NFATC2: variants seen among roughly 807,000 people sequenced by gnomAD.
The protein encoded by NFATC2 is nuclear factor of activated T-cells, cytoplasmic 2.
NFATC2 carries 22 observed loss-of-function variants against 87.3 expected under a neutral mutation model. The observed-to-expected ratio is 0.25, with a 90% CI of 0.18 to 0.36. The LOEUF is 0.36. Among genes scored for constraint, NFATC2 ranks in the 10% least tolerant of loss-of-function variants. The pLI, the probability that NFATC2 is intolerant of heterozygous loss-of-function variation, is 1.00. For synonymous variants in NFATC2, 565 were observed against 542.2 expected (o/e 1.04, Z -0.58); for missense variants, 1,149 against 1,259.1 (o/e 0.91, Z 1.32).
At chr20:51,429,539 G>A (rs1167758111) in intron 9 of NFATC2, among the ~76,000 whole-genome samples, 1 of 152,182 alleles carries the variant, frequency 6.6e-6, no homozygotes, top group Non-Finnish European at 1.5e-5. Context: ...ATCAGGAAAA[G>A]AGCTTCTAGG....
intron 3 of NFATC2, among the ~76,000 whole-genome samples, chr20:51,488,164 T>A (rs1989876259): frequency 6.6e-6 from 1 of 152,182 alleles, no homozygotes; most frequent in Non-Finnish European, 1.5e-5. Context: ...CGTTTAGTCA[T>A]TCACGCAGCA....
intron 5 of NFATC2, among the ~76,000 whole-genome samples, chr20:51,470,486 TTGTTCA>T (rs1454797567): frequency 2.6e-5 from 4 of 152,172 alleles, no homozygotes; most frequent in African/African-American, 9.7e-5. Context: ...CTCTGGTAGT[TTGTTCA>T]TGTTGTTTCT....
Position 51,542,395 on chromosome 20 carries a change from G to A in NFATC2, c.105C>T (p.Asp35=), listed in dbSNP as rs749730846. The change falls in exon 1 of 11, where the codon GAC becomes GAT. Residue 35 remains aspartate, a synonymous_variant. Transcript: ENST00000371564. ...QDELDFSILF[D]YEYLNPNEEE... ...CTTCGTTCGGATTCAAATACTCATA[G>A]TCGAAGAGGATGGAGAAGTCAAGCT... is the stretch of plus-strand genomic sequence containing the variant. The A allele has an allele frequency of 6.2e-7, 1 of 1,607,578 alleles. No homozygotes were observed. Among genetic ancestry groups the A allele is most frequent in the East Asian group, 2.3e-5 (1 of 43,734 alleles).
At chr20:51,545,284 G>A (rs754336913), upstream of NFATC2, among the ~76,000 whole-genome samples, 29 of 152,180 alleles carry the variant, frequency 1.9e-4, no homozygotes, top group Non-Finnish European at 3.4e-4. Context: ...TGCCTACCCA[G>A]AATAATTCCT....
Position 51,516,933 on chromosome 20 carries a change from G to A in NFATC2, c.1183C>T (p.Pro395Ser), listed in dbSNP as rs2076360432. The A allele has an allele frequency of 6.2e-6, 10 of 1,612,976 alleles. No homozygotes were observed. The Admixed American group carries it at 8.4e-5, about 14-fold the overall frequency. ...ICSIPVTASL[P>S]PLEWPLSSQS... ...CTGGACAGCGGCCACTCAAGTGGAG[G>A]GAGGGATGCAGTCACTGGGATGCTA... is the stretch of plus-strand genomic sequence containing the variant. Residue 395 changes from proline (P) to serine (S), a missense_variant, in exon 3 of 11, where the codon CCT becomes TCT. Physicochemically the swap from Pro to Ser is moderately conservative, Grantham distance 74. This residue lies in a region of NFATC2 where 563 missense variants were observed against 585.2 expected (regional missense o/e 0.96). Coordinates refer to ENST00000371564, the MANE Select transcript of NFATC2 (RefSeq NM_012340.5).
chr20:51,391,826 T>A (rs1047453169), intron 10 of NFATC2, among the ~76,000 whole-genome samples: 7 of 152,186 alleles, frequency 4.6e-5, no homozygotes, highest in African/African-American at 9.7e-5. Context: ...CTATTTTTTT[T>A]AAATACTTTT....
chr20:51,507,126 G>A (rs1026034756), intron 3 of NFATC2, among the ~76,000 whole-genome samples: 57 of 152,336 alleles, frequency 3.7e-4, no homozygotes, highest in African/African-American at 1.3e-3. Flanking sequence ...GCAGGTGGAT[G>A]AATGAGTGAG....
chr20:51,547,400 A>G (rs2076898002), upstream of NFATC2, among the ~76,000 whole-genome samples: 1 of 152,164 alleles, frequency 6.6e-6, no homozygotes, highest in African/African-American at 2.4e-5. Context: ...AGAAACAGTC[A>G]AGAAGCACTG....
At position 51,533,146 on chromosome 20, in the gene NFATC2, G is replaced by A. The variant is rs560283214; in HGVS notation, c.131-9036C>T. The stretch of plus-strand genomic sequence containing the variant: ...GGGAGCAGACAGAGAGGCAAACCTC[G>A]CCTCCTGCCACTCGCCCCGACAACT... On this transcript the variant is annotated intron_variant, in intron 1 of 10. Coordinates refer to ENST00000371564, the MANE Select transcript of NFATC2 (RefSeq NM_012340.5). Among the ~76,000 whole-genome samples the A allele has an allele frequency of 8.5e-5, 13 of 152,300 alleles. No homozygotes were observed. The South Asian group carries it at 1.4e-3, about 17-fold the overall frequency.
intron 6 of NFATC2, among the ~76,000 whole-genome samples, chr20:51,437,566 C>A (rs565879904): frequency 2.9e-4 from 44 of 152,170 alleles, no homozygotes; most frequent in Non-Finnish European, 6.0e-4. Flanking sequence ...CTTAAACATA[C>A]TCCCACCCAC....
chr20:51,492,206 C>T (rs996525996), intron 3 of NFATC2, among the ~76,000 whole-genome samples: 10 of 152,176 alleles, frequency 6.6e-5, no homozygotes, highest in South Asian at 2.1e-4. Flanking sequence ...CCTGTCTAGA[C>T]GAGGTCCCTG....
rs375480933 is a variant in NFATC2, at chr20:51,458,383, G to T, written c.1709-3695C>A. Among the ~76,000 whole-genome samples the T allele has an allele frequency of 2.2e-4, 34 of 152,236 alleles. No individual in the cohort carries two copies. In the East Asian group the frequency reaches 4.4e-3, roughly 20 times the overall value. ...ACAACCAAGATTGTCTCCAGACAAG[G>T]CTGGATATCCCCTGGGGAAGAGGGG... On this transcript the variant is annotated intron_variant, in intron 5 of 10. Coordinates refer to ENST00000371564, the MANE Select transcript of NFATC2 (RefSeq NM_012340.5).
At chr20:51,473,016 T>C (rs1988379314) in intron 5 of NFATC2, among the ~76,000 whole-genome samples, 1 of 152,200 alleles carries the variant, frequency 6.6e-6, no homozygotes, top group African/African-American at 2.4e-5. Context: ...ACTACAAAAC[T>C]GTGTTAATGT....
At chr20:51,490,346 G>A (rs1005975370) in intron 3 of NFATC2, among the ~76,000 whole-genome samples, 2 of 152,118 alleles carry the variant, frequency 1.3e-5, no homozygotes, top group Non-Finnish European at 2.9e-5. Flanking sequence ...ATTCCAACAC[G>A]GCAGGTCTAC....
rs1985997402 is a variant in NFATC2, at chr20:51,388,466, ATG to A, written c.*3028_*3029del. ...ATTATATGGGTTTTTGTTTCCTGGA[ATG>A]AGTAACAAATGTTTCAAGAATACAT... is the stretch of plus-strand genomic sequence containing the variant. On this transcript the variant is annotated 3_prime_UTR_variant, in exon 11 of 11. Coordinates refer to ENST00000371564, the MANE Select transcript of NFATC2 (RefSeq NM_012340.5). 6.6e-6 allele frequency: 1 copy of A among 151,744 alleles called. No homozygotes were observed. The highest frequency in any genetic ancestry group is 6.6e-5 in the Admixed American group (1 of 15,226). The allele number at this position is 151,744 out of a possible 1,614,324, so 9.4% of individuals were successfully genotyped here. A position where few individuals can be genotyped will look rare whatever the true frequency, so the allele number is the denominator to read the frequency against.
chr20:51,416,714 A>G (rs1343731212), intron 9 of NFATC2, among the ~76,000 whole-genome samples: 1 of 152,110 alleles, frequency 6.6e-6, no homozygotes, highest in African/African-American at 2.4e-5. Flanking sequence ...CTTCTCATAC[A>G]TCATTTCCTT....
chr20:51,432,982 A>G lies in NFATC2; in HGVS notation c.2033-226T>C, dbSNP rs927825705. The stretch of plus-strand genomic sequence containing the variant: ...AACATCTTGAATTATAGATTTTTCC[A>G]ATATTGGAAAGGTGGCTGGTAGGTC... On this transcript the variant is annotated intron_variant, in intron 8 of 10. Transcript: ENST00000371564. The surrounding 1 kb of genome is among the most constrained non-coding windows in gnomAD (Gnocchi z 4.6). Among the ~76,000 whole-genome samples the G allele has an allele frequency of 2.6e-5, 4 of 152,074 alleles. No homozygotes were observed. The highest frequency in any genetic ancestry group is 9.7e-5 in the African/African-American group (4 of 41,388).
At chr20:51,512,322 A>G (rs1452091860) in intron 3 of NFATC2, among the ~76,000 whole-genome samples, 3 of 152,124 alleles carry the variant, frequency 2.0e-5, no homozygotes, top group Admixed American at 1.3e-4. Context: ...GCATCAGCCC[A>G]CAGATCCCCT....
chr20:51,459,490 G>A (rs1220956131), intron 5 of NFATC2, among the ~76,000 whole-genome samples: 2 of 152,188 alleles, frequency 1.3e-5, no homozygotes, highest in Non-Finnish European at 2.9e-5. Flanking sequence ...TCAGCCTGAT[G>A]TCACTCTGTC....
Sources: allele counts gnomAD v4.1 joint callset (sites outside exome capture counted in the v4.1 genomes callset), GRCh38; gene constraint gnomAD v4.1.1; regional missense constraint gnomAD v4.1.1; non-coding constraint Gnocchi (gnomAD v3.1); transcripts MANE v1.5; gene names NCBI Gene and HGNC (gene_info 2026-07-23, HGNC 2026-07-21).